MED21: variants seen among roughly 807,000 people sequenced by gnomAD.
The protein encoded by MED21 is mediator of RNA polymerase II transcription subunit 21.
In MED21, 9 loss-of-function variants were observed where a neutral mutation model predicts 18.2. The observed-to-expected ratio is 0.49, with a 90% CI of 0.30 to 0.86. MED21 has a LOEUF of 0.86. MED21 is among the 40% of genes least tolerant of loss of function. MED21 has a pLI of 0.07. For synonymous variants in MED21, 73 were observed against 60.5 expected (o/e 1.21, Z -0.96); for missense variants, 150 against 170.9 (o/e 0.88, Z 0.68).
intron 2 of MED21, chr12:27,038,201 G>T (rs753144782): frequency 1.9e-4 from 29 of 150,966 alleles, no homozygotes; most frequent in Non-Finnish European, 2.2e-4. Context: ...AAATCAAGAA[G>T]ATTCCATGGA....
chr12:27,024,094 C>A (rs1006272511), intron 1 of MED21, among the ~76,000 whole-genome samples: 1 of 152,164 alleles, frequency 6.6e-6, no homozygotes, highest in Non-Finnish European at 1.5e-5. Context: ...ATGTGCATCC[C>A]GTTGACCAAG....
intron 1 of MED21, among the ~76,000 whole-genome samples, chr12:27,024,360 TGAA>T (rs976056309): frequency 2.0e-5 from 3 of 152,148 alleles, no homozygotes; most frequent in Non-Finnish European, 4.4e-5. Flanking sequence ...TTTGTACACT[TGAA>T]GAGTGTGAAT....
intron 2 of MED21, among the ~76,000 whole-genome samples, chr12:27,036,801 T>G (rs1272365594): frequency 6.6e-6 from 1 of 152,212 alleles, no homozygotes; most frequent in Non-Finnish European, 1.5e-5. Context: ...GATTTATATC[T>G]CTGTTTTGGT....
Position 27,030,431 on chromosome 12 carries a change from C to G in MED21, c.*1970C>G. 1 of 381,106 alleles carries G rather than the reference C, an allele frequency of 2.6e-6. No individual in the cohort carries two copies. The highest frequency in any genetic ancestry group is 3.8e-5 in the East Asian group (1 of 26,620). 23.6% of individuals were successfully genotyped at this position (381,106 alleles called of 1,614,324 possible). A position where few individuals can be genotyped will look rare whatever the true frequency, so the allele number is the denominator to read the frequency against. On this transcript the variant is annotated 3_prime_UTR_variant, in exon 4 of 4. Coordinates refer to ENST00000282892, the MANE Select transcript of MED21 (RefSeq NM_004264.5). The stretch of plus-strand genomic sequence containing the variant: ...AGTATTTGTATCATCCCTAGAGCGA[C>G]ACAGATTTTTCCCTAAAAAACTACA...
chr12:27,034,353 C>T (rs938800402), downstream of MED21, among the ~76,000 whole-genome samples: 25 of 151,908 alleles, frequency 1.6e-4, no homozygotes, highest in African/African-American at 5.1e-4. Context: ...GCCTGGGAGG[C>T]GGAGGTTGCA....
At chr12:27,032,452 C>T (rs1316523902), downstream of MED21, among the ~76,000 whole-genome samples, 1 of 152,170 alleles carries the variant, frequency 6.6e-6, no homozygotes, top group Non-Finnish European at 1.5e-5. Context: ...ACACAAATGC[C>T]AGCAAGAATA....
rs377037296 is a variant in MED21, at chr12:27,022,601, C to T, written c.22C>T (p.Leu8Phe). The change falls in exon 1 of 4, where the codon CTT (leucine) becomes TTT (phenylalanine). Residue 8 changes from leucine (L) to phenylalanine (F), a missense_variant. Physicochemically the swap from Leu to Phe is conservative, Grantham distance 22. Transcript: ENST00000282892. MADRLTQ[L>F]QDAVNSLADQ... is the part of the protein sequence containing the mutation. The stretch of plus-strand genomic sequence containing the variant: ...GAACATGGCGGATCGGCTCACGCAG[C>T]TTCAGGACGCTGTGAATTCGGTGAG... The T allele has an allele frequency of 6.3e-7, 1 of 1,587,124 alleles. No individual in the cohort carries two copies. The highest frequency in any genetic ancestry group is 8.6e-7 in the Non-Finnish European group (1 of 1,162,200).
chr12:27,022,922 G>T (rs1592333186), intron 1 of MED21: 1 of 1,274,752 alleles, frequency 7.8e-7, no homozygotes, highest in East Asian at 3.9e-5. Flanking sequence ...GTTCCCTGAG[G>T]ACAGTTTTAT....
Position 27,030,397 on chromosome 12 carries a change from A to G in MED21, c.*1936A>G. ...ATATTAATACTATACAGTAGACTAT[A>G]AGAAATTAAGTATTTGTATCATCCC... On this transcript the variant is annotated 3_prime_UTR_variant, in exon 4 of 4. Transcript: ENST00000282892. 2.5e-6 allele frequency: 1 copy of G among 392,536 alleles called. No individual in the cohort carries two copies. Among genetic ancestry groups the G allele is most frequent in the Admixed American group, 4.4e-5 (1 of 22,590 alleles). 24.3% of individuals were successfully genotyped at this position (392,536 alleles called of 1,614,324 possible). A position where few individuals can be genotyped will look rare whatever the true frequency, so the allele number is the denominator to read the frequency against.
chr12:27,037,587 A>G (rs977307453), intron 2 of MED21: 2 of 152,226 alleles, frequency 1.3e-5, no homozygotes, highest in Non-Finnish European at 2.9e-5. Context: ...AATTAGAGAC[A>G]GTGGGTATTA....
Position 27,028,599 on chromosome 12 carries a change from A to C in MED21, c.*138A>C. ...ACACATTACCTTTTTAGCTATTTTTAATAGTCTTCTATTTTCACTCTTGAT... is the reference window on the plus strand; with the variant it reads ...ACACATTACCTTTTTAGCTATTTTTCATAGTCTTCTATTTTCACTCTTGAT... On this transcript the variant is annotated 3_prime_UTR_variant, in exon 4 of 4. Coordinates refer to ENST00000282892, the MANE Select transcript of MED21 (RefSeq NM_004264.5). 7.5e-7 allele frequency: 1 copy of C among 1,327,526 alleles called. No homozygotes were observed. Among genetic ancestry groups the C allele is most frequent in the South Asian group, 2.5e-5 (1 of 39,892 alleles). The allele number at this position is 1,327,526 out of a possible 1,614,324, so 82.2% of individuals were successfully genotyped here.
At chr12:27,033,219 A>G (rs1376302307), downstream of MED21, among the ~76,000 whole-genome samples, 2 of 152,028 alleles carry the variant, frequency 1.3e-5, no homozygotes, top group Non-Finnish European at 2.9e-5. Flanking sequence ...GACAATATAA[A>G]TTTACTTCCC....
chr12:27,030,553 A>G lies in MED21; in HGVS notation c.*2092A>G, dbSNP rs1033859436. 6.0e-5 allele frequency: 12 copies of G among 198,934 alleles called. No homozygotes were observed. The highest frequency in any genetic ancestry group is 1.0e-4 in the Non-Finnish European group (10 of 99,602). 12.3% of individuals were successfully genotyped at this position (198,934 alleles called of 1,614,324 possible). A position where few individuals can be genotyped will look rare whatever the true frequency, so the allele number is the denominator to read the frequency against. ...ACAGAATAAAACAATAGTAAACCTA[A>G]ATTTTATTTTATTTCATTAATACAG... On this transcript the variant is annotated 3_prime_UTR_variant, in exon 4 of 4. Transcript: ENST00000282892.
At chr12:27,022,845 G>A in intron 1 of MED21, 1 of 1,463,030 alleles carries the variant, frequency 6.8e-7, no homozygotes, top group Non-Finnish European at 9.1e-7. Flanking sequence ...TTCGCTTGAG[G>A]AGACCGGGAA....
rs1341238573 is a variant in MED21, at chr12:27,030,386, C to G, written c.*1925C>G. On this transcript the variant is annotated 3_prime_UTR_variant, in exon 4 of 4. Transcript: ENST00000282892. ...CTAACCTCAAGATATTAATACTATA[C>G]AGTAGACTATAAGAAATTAAGTATT... 2 of 394,838 alleles carry G rather than the reference C, an allele frequency of 5.1e-6. No homozygotes were observed. The highest frequency in any genetic ancestry group is 4.4e-5 in the Admixed American group (1 of 22,720). 24.5% of individuals were successfully genotyped at this position (394,838 alleles called of 1,614,324 possible). A position where few individuals can be genotyped will look rare whatever the true frequency, so the allele number is the denominator to read the frequency against.
At chr12:27,023,766 G>A (rs546572810) in intron 1 of MED21, among the ~76,000 whole-genome samples, 6 of 152,094 alleles carry the variant, frequency 3.9e-5, no homozygotes, top group Non-Finnish European at 7.4e-5. Flanking sequence ...TAATGAAGGG[G>A]TCATGTTCTG....
At chr12:27,035,058 ACT>A (rs559746914), downstream of MED21, among the ~76,000 whole-genome samples, 62 of 151,992 alleles carry the variant, frequency 4.1e-4, 1 homozygote, top group African/African-American at 1.4e-3. Flanking sequence ...AGCTGTCAAA[ACT>A]CTTAATTAGC....
rs199836774 is a variant in MED21 at position 27,036,056 on chromosome 12, T to C, written n.146+8609T>C. On this transcript the variant is annotated intron_variant and non_coding_transcript_variant, in intron 2 of 4. Coordinates refer to the MED21 transcript ENST00000538186. ...TTAAACTAGTTTACAGTCCCACCAA[T>C]AGTGTAAAACTATTCCTATTTCTCA... Among the ~76,000 whole-genome samples, 10 of 152,282 alleles carry C rather than the reference T, an allele frequency of 6.6e-5. No homozygotes were observed. In the East Asian group the frequency reaches 1.9e-3, roughly 29 times the overall value.
At chr12:27,034,437 A>T (rs550502806), downstream of MED21, among the ~76,000 whole-genome samples, 1 of 152,260 alleles carries the variant, frequency 6.6e-6, no homozygotes, top group South Asian at 2.1e-4. Flanking sequence ...AAAAAGTTTA[A>T]TACATAATTT....
Sources: gnomAD v4.1 joint callset for allele counts (sites outside exome capture counted in the v4.1 genomes callset) on GRCh38, gnomAD v4.1.1 for gene constraint, MANE v1.5 for transcripts, NCBI Gene and HGNC (gene_info 2026-07-23, HGNC 2026-07-21) for gene names.